The following ANKRD28 variants were observed in gnomAD, a reference collection of about 807,000 sequenced individuals.
ANKRD28 encodes the protein ankyrin repeat domain 28.
In ANKRD28, 44 loss-of-function variants were observed where a neutral mutation model predicts 126.5. That is an observed-to-expected ratio of 0.35 (90% CI 0.27 to 0.45). The LOEUF (loss-of-function observed/expected upper bound fraction) is 0.45. Ranked by LOEUF, ANKRD28 falls within the 20% of genes least tolerant of loss-of-function variation. The probability of loss-of-function intolerance (pLI) is 1.00; values close to 1 mark genes in which losing one functional copy is unlikely to be tolerated. For synonymous variants in ANKRD28, 442 were observed against 468.5 expected (o/e 0.94, Z 0.73); for missense variants, 1,110 against 1,316.6 (o/e 0.84, Z 2.43).
Position 15,795,210 on chromosome 3 carries a change from T to G in ANKRD28, c.201+13A>C. 1.3e-6 allele frequency: 2 copies of G among 1,564,174 alleles called. No homozygotes were observed. The highest frequency in any genetic ancestry group is 2.2e-5 in the South Asian group (2 of 89,674). On this transcript the variant is annotated intron_variant, in intron 2 of 27. Transcript: ENST00000683139. ...AGTTTTAAAGGCTGGCATCAGTGAA[T>G]TAACTGTTTTACCTGAAAGTTAACA... is the stretch of plus-strand genomic sequence containing the variant.
chr3:15,741,884 G>A (rs916946542), intron 4 of ANKRD28, among the ~76,000 whole-genome samples: 36 of 151,892 alleles, frequency 2.4e-4, no homozygotes, highest in African/African-American at 7.3e-4. Context: ...TTGCAGGCGC[G>A]CGCCACCACG....
At chr3:15,684,053 G>A (rs879848614) in intron 21 of ANKRD28, 1 of 152,020 alleles carries the variant, frequency 6.6e-6, no homozygotes, top group Non-Finnish European at 1.5e-5. Flanking sequence ...CATTAATCTT[G>A]AAGCTACACT....
chr3:15,714,708 A>T (rs924754), intron 8 of ANKRD28, 52 bp from the exon 9 acceptor site: 784,356 of 1,330,260 alleles, frequency 0.59, 233,402 homozygotes, highest in Admixed American at 0.65. Flanking sequence ...TAATGTGTAA[A>T]CCTTAGTTTT....
At chr3:15,751,249 G>A (rs1416401346) in intron 4 of ANKRD28, among the ~76,000 whole-genome samples, 1 of 152,150 alleles carries the variant, frequency 6.6e-6, no homozygotes, top group Non-Finnish European at 1.5e-5. Context: ...ATACAAGGCT[G>A]TACACAAGAA....
At chr3:15,714,712 T>C in intron 8 of ANKRD28, 56 bp from the exon 9 acceptor site, 1 of 1,247,544 alleles carries the variant, frequency 8.0e-7, no homozygotes, top group African/African-American at 1.5e-5. Flanking sequence ...GTGTAAACCT[T>C]AGTTTTACTT....
chr3:15,825,999 C>T (rs1575777238), intron 1 of ANKRD28, among the ~76,000 whole-genome samples: 1 of 152,066 alleles, frequency 6.6e-6, no homozygotes, highest in African/African-American at 2.4e-5. Flanking sequence ...ACAATATAAT[C>T]AGTACAGCCC....
chr3:15,693,445 AT>A (rs1295173516), intron 17 of ANKRD28, among the ~76,000 whole-genome samples: 2 of 151,956 alleles, frequency 1.3e-5, no homozygotes. Flanking sequence ...ACAAATGAGA[AT>A]TTCTAAGGAA....
Position 15,796,731 on chromosome 3 carries a change from GA to G in ANKRD28, c.-211del. ...TAATTTGTAACTTCCTAAATATAAC[GA>G]AATTCTATTATTTCTGTTGGATTAC... On this transcript the variant is annotated 5_prime_UTR_variant, in exon 1 of 28. Transcript: ENST00000683139. 1 of 984,892 alleles carries G rather than the reference GA, an allele frequency of 1.0e-6. No homozygotes were observed. The highest frequency in any genetic ancestry group is 1.2e-6 in the Non-Finnish European group (1 of 828,020). The allele number at this position is 984,892 out of a possible 1,614,324, so 61.0% of individuals were successfully genotyped here. A position where few individuals can be genotyped will look rare whatever the true frequency, so the allele number is the denominator to read the frequency against.
intron 1 of ANKRD28, among the ~76,000 whole-genome samples, chr3:15,810,136 G>A (rs1055813638): frequency 6.6e-6 from 1 of 152,130 alleles, no homozygotes; most frequent in African/African-American, 2.4e-5. Context: ...AGAACTTACT[G>A]TGCATACAGT....
chr3:15,818,234 G>A (rs1326367749), intron 1 of ANKRD28, among the ~76,000 whole-genome samples: 3 of 152,052 alleles, frequency 2.0e-5, no homozygotes, highest in Admixed American at 6.6e-5. Flanking sequence ...TGTTTTGTCC[G>A]ACACAGGTTG....
rs186119415 is a variant in ANKRD28 at position 15,724,646 on chromosome 3, A to G, written c.641-122T>C. The G allele has an allele frequency of 9.2e-5, 83 of 903,696 alleles. No individual in the cohort carries two copies. The African/African-American group carries it at 1.3e-3, about 14-fold the overall frequency. The allele number at this position is 903,696 out of a possible 1,614,324, so 56.0% of individuals were successfully genotyped here. A position where few individuals can be genotyped will look rare whatever the true frequency, so the allele number is the denominator to read the frequency against. ...ATAGATGATGCATGACAAGTCATCA[A>G]TGAATCATGTTAACTTGAGAGAGGA... On this transcript the variant is annotated intron_variant, in intron 6 of 27. Transcript: ENST00000683139.
At chr3:15,766,920 A>G (rs539289420) in intron 2 of ANKRD28, among the ~76,000 whole-genome samples, 3 of 152,248 alleles carry the variant, frequency 2.0e-5, no homozygotes, top group Non-Finnish European at 4.4e-5. Flanking sequence ...TTTACAGTTT[A>G]GAACTGTTAA....
chr3:15,803,614 T>TA (rs145887818), intron 1 of ANKRD28, among the ~76,000 whole-genome samples: 23,375 of 124,916 alleles, frequency 0.19, 3,680 homozygotes, highest in East Asian at 0.49. Context: ...AGACTCCATT[T>TA]AAAAAAAAAA....
At chr3:15,703,473 C>T (rs78816655) in intron 14 of ANKRD28, among the ~76,000 whole-genome samples, 1,906 of 152,268 alleles carry the variant, frequency 0.013, 24 homozygotes, top group Non-Finnish European at 0.017. Flanking sequence ...GGATTAGTGT[C>T]CTTATAAATA....
chr3:15,817,862 T>C lies in ANKRD28; in HGVS notation c.28-22556A>G, dbSNP rs529987332. Among the ~76,000 whole-genome samples the C allele has an allele frequency of 2.8e-4, 42 of 152,248 alleles. No individual in the cohort carries two copies. The highest frequency in any genetic ancestry group is 9.6e-4 in the African/African-American group (40 of 41,556). On this transcript the variant is annotated intron_variant, in intron 1 of 27. Transcript: ENST00000399451. This position sits in a 1 kb window ranked among gnomAD's most constrained non-coding sequence, Gnocchi z 4.5. ...GTGCTTGCATTCACAGACAACATGA[T>C]TGTCTTTATAGAAGATTCCATGGAA... is the stretch of plus-strand genomic sequence containing the variant.
rs946035287 is a variant in ANKRD28, at chr3:15,796,862, A to G, written c.-341T>C. ...TCTACCAAAATAGTCTTATTGCTCT[A>G]TCTCTGAAATTTACTTGCACAAAAC... On this transcript the variant is annotated 5_prime_UTR_variant, in exon 1 of 28. Transcript: ENST00000683139. The G allele has an allele frequency of 1.2e-5, 12 of 988,256 alleles. No individual in the cohort carries two copies. The Admixed American group carries it at 3.0e-4, about 25-fold the overall frequency. 61.2% of individuals were successfully genotyped at this position (988,256 alleles called of 1,614,324 possible).
chr3:15,766,450 C>G (rs2058742816), intron 2 of ANKRD28, 138 bp from the exon 3 acceptor site: 1 of 603,248 alleles, frequency 1.7e-6, no homozygotes, highest in South Asian at 2.7e-5. Flanking sequence ...TAACTCTAGC[C>G]TAGTCTGCAA....
intron 9 of ANKRD28, among the ~76,000 whole-genome samples, 192 bp downstream of exon 9, chr3:15,714,386 A>G (rs903648432): frequency 2.0e-5 from 3 of 152,134 alleles, no homozygotes; most frequent in Non-Finnish European, 4.4e-5. Context: ...ATAAAAAACA[A>G]AAGTATGAAA....
intron 27 of ANKRD28, among the ~76,000 whole-genome samples, chr3:15,673,919 C>T (rs906147145): frequency 1.3e-5 from 2 of 151,674 alleles, no homozygotes; most frequent in Non-Finnish European, 2.9e-5. Context: ...TGAGTGGGGC[C>T]AGGTGGAGCA....
Sources: gnomAD v4.1 joint callset for allele counts (sites outside exome capture counted in the v4.1 genomes callset) on GRCh38, gnomAD v4.1.1 for gene constraint, Gnocchi (gnomAD v3.1) non-coding constraint, MANE v1.5 for transcripts, NCBI Gene and HGNC (gene_info 2026-07-23, HGNC 2026-07-21) for gene names.